BSDC1: variants seen among roughly 807,000 people sequenced by gnomAD.
BSDC1 encodes BSD domain-containing protein 1.
Under a neutral mutation model 56.0 loss-of-function variants are expected in BSDC1, and 29 were observed. The observed-to-expected ratio is 0.52, with a 90% CI of 0.39 to 0.71. The LOEUF is 0.71. BSDC1 is among the 30% of genes least tolerant of loss of function. The pLI, the probability that BSDC1 is intolerant of heterozygous loss-of-function variation, is 0.00. For missense variants in BSDC1, 477 were observed against 548.5 expected, an observed-to-expected ratio of 0.87 and a Z score of 1.30; for synonymous variants, 210 against 215.3, an observed-to-expected ratio of 0.98 and a Z score of 0.21.
chr1:32,373,815 G>A (rs1381178084), intron 9 of BSDC1, among the ~76,000 whole-genome samples: 2 of 152,172 alleles, frequency 1.3e-5, no homozygotes, highest in African/African-American at 4.8e-5. Context: ...GAGCCACTGT[G>A]CCCAGCGGAC....
rs748885403 is a variant in BSDC1, at chr1:32,386,791, C to T, written c.177G>A (p.Lys59=). ...GGGTGGTACTCACAGCCAGCTTCTC[C>T]TTGACCACGCTGGCCGTGGCTGCGA... The part of the protein sequence containing the change: ...CTIAATASVV[K]EKLATEGSSG... Residue 59 remains lysine (K), a synonymous_variant, in exon 3 of 11, where the codon AAG becomes AAA. Transcript: ENST00000455895. 1.2e-6 allele frequency: 2 copies of T among 1,612,836 alleles called. No individual in the cohort carries two copies. Among genetic ancestry groups the T allele is most frequent in the South Asian group, 2.2e-5 (2 of 91,014 alleles).
chr1:32,386,932 GC>G, intron 2 of BSDC1, 37 bp from the exon 3 acceptor site: 1 of 1,531,718 alleles, frequency 6.5e-7, no homozygotes, highest in Non-Finnish European at 9.0e-7. Flanking sequence ...GGGCCAGCTG[GC>G]CCCACCACCC....
At position 32,386,956 on chromosome 1, in the gene BSDC1, C is replaced by A. The variant is rs1007462810; in HGVS notation, c.73-61G>T. ...GGCCCCACCACCCCTTGTTCCTGTT[C>A]CCTGTGTTTCTTCAGTACCAGACAG... On this transcript the variant is annotated intron_variant, in intron 2 of 10. Transcript: ENST00000455895. The A allele has an allele frequency of 2.2e-5, 29 of 1,335,704 alleles. No homozygotes were observed. The African/African-American group carries it at 4.0e-4, about 19-fold the overall frequency. 82.7% of individuals were successfully genotyped at this position (1,335,704 alleles called of 1,614,324 possible). A position where few individuals can be genotyped will look rare whatever the true frequency, so the allele number is the denominator to read the frequency against.
intron 5 of BSDC1, 76 bp downstream of exon 5, chr1:32,381,138 G>A (rs1642464478): frequency 1.3e-6 from 2 of 1,493,226 alleles, no homozygotes; most frequent in Admixed American, 3.5e-5. Context: ...TGCTACCTGA[G>A]ACAAACAGGG....
chr1:32,394,243 G>A, intron 1 of BSDC1, 103 bp from the exon 2 acceptor site: 2 of 1,558,206 alleles, frequency 1.3e-6, no homozygotes, highest in East Asian at 2.3e-5. Context: ...CCGAGGCTTC[G>A]CAGACCGCTT....
chr1:32,389,132 T>C (rs889273903), intron 2 of BSDC1, among the ~76,000 whole-genome samples: 4 of 152,082 alleles, frequency 2.6e-5, no homozygotes, highest in East Asian at 1.9e-4. Context: ...TTTTTTGTAT[T>C]TTTAGTAGAG....
At chr1:32,367,956 G>A in intron 10 of BSDC1, 1 of 1,059,718 alleles carries the variant, frequency 9.4e-7, no homozygotes, top group Non-Finnish European at 1.1e-6. Context: ...CCAAGGCCAA[G>A]TATATACTCA....
intron 10 of BSDC1, chr1:32,367,090 T>C (rs1347752680): frequency 1.0e-6 from 1 of 988,358 alleles, no homozygotes; most frequent in East Asian, 1.1e-4. Context: ...ACTTAGTCTT[T>C]GGGTGAATGG....
chr1:32,386,865 C>G lies in BSDC1; in HGVS notation c.103G>C (p.Asp35His), dbSNP rs1642690404. Residue 35 changes from aspartate (D) to histidine (H), a missense_variant, in exon 3 of 11, where the codon GAC becomes CAC. Physicochemically the swap from Asp to His is moderately conservative, Grantham distance 81. Coordinates refer to ENST00000455895, the MANE Select transcript of BSDC1 (RefSeq NM_018045.8). ...SSEALEFMKR[D>H]LTEFTQVVQH... ...ACCACCTGGGTAAACTCCGTCAGGT[C>G]CCGCTTCATAAACTCCAAGGCTTCA... 6.2e-7 allele frequency: 1 copy of G among 1,612,142 alleles called. No homozygotes were observed. Among genetic ancestry groups the G allele is most frequent in the South Asian group, 1.1e-5 (1 of 90,996 alleles).
chr1:32,394,108 T>G lies in BSDC1; in HGVS notation c.44A>C (p.Gln15Pro). 1 of 1,610,498 alleles carries G rather than the reference T, an allele frequency of 6.2e-7. No homozygotes were observed. The highest frequency in any genetic ancestry group is 1.3e-5 in the African/African-American group (1 of 74,990). The stretch of plus-strand genomic sequence containing the variant: ...CTCTTTGACTGCTTGGTAGCTCTGC[T>G]GCAGCCAGCTCCGCCACCATCCCAC... Reference protein sequence around the residue: ...EDVGWWRSWLQQSYQAVKEKS... With the variant: ...EDVGWWRSWLPQSYQAVKEKS... Residue 15 changes from glutamine (Q) to proline (P), a missense_variant, in exon 2 of 11, where the codon CAG (glutamine) becomes CCG (proline). Physicochemically the swap from Gln to Pro is moderately conservative, Grantham distance 76 (BLOSUM62 -1). Coordinates refer to ENST00000455895, the MANE Select transcript of BSDC1 (RefSeq NM_018045.8).
rs559219837 is a variant in BSDC1 at position 32,384,565 on chromosome 1, A to AT, written c.190-569dup. On this transcript the variant is annotated intron_variant, in intron 3 of 10. Coordinates refer to ENST00000455895, the MANE Select transcript of BSDC1 (RefSeq NM_018045.8). ...TAAACTGCAGCATTGTAATACTGCA[A>AT]TTTCATCATCATCATTGCTCAGGAA... 2.6e-4 allele frequency among the ~76,000 whole-genome samples: 39 copies of AT among 152,268 alleles called. No homozygotes were observed. The South Asian group carries it at 7.9e-3, about 31-fold the overall frequency.
rs973346449 is a variant in BSDC1, at chr1:32,381,328, C to G, written c.358-60G>C. On this transcript the variant is annotated intron_variant, in intron 4 of 10. Coordinates refer to ENST00000455895, the MANE Select transcript of BSDC1 (RefSeq NM_018045.8). ...TGAGATACTGGGCATAGAAAGCACC[C>G]TTTCTCTGCCAGGATACTCAGTCAA... is the stretch of plus-strand genomic sequence containing the variant. 1.5e-5 allele frequency: 23 copies of G among 1,512,606 alleles called. 1 individual carries two copies. The highest frequency in any genetic ancestry group is 1.7e-4 in the Middle Eastern group (1 of 5,854). The allele number at this position is 1,512,606 out of a possible 1,614,324, so 93.7% of individuals were successfully genotyped here.
chr1:32,366,894 CCCAA>C, intron 10 of BSDC1: 1 of 1,243,982 alleles, frequency 8.0e-7, no homozygotes, highest in Non-Finnish European at 1.0e-6. Flanking sequence ...AAACACTTCC[CCCAA>C]CCAACACCAG....
At position 32,376,562 on chromosome 1, in the gene BSDC1, C is replaced by T. The variant is rs373949372; in HGVS notation, c.856G>A (p.Val286Met). The change falls in exon 9 of 11, where the codon GTG becomes ATG. Residue 286 changes from valine to methionine, a missense_variant. Val to Met is a conservative substitution (Grantham distance 21). Transcript: ENST00000455895. Reference sequence around the variant, plus strand: ...GTGGCCGGGTTGGCGATCTGTGTCACGAGGGAGATGCTCTCACTGCTCTCT... The same window carrying T: ...GTGGCCGGGTTGGCGATCTGTGTCATGAGGGAGATGCTCTCACTGCTCTCT... ...PSESSESISL[V>M]TQIANPATAP... 29 of 1,537,800 alleles carry T rather than the reference C, an allele frequency of 1.9e-5. No homozygotes were observed. The highest frequency in any genetic ancestry group is 1.4e-4 in the African/African-American group (10 of 73,692).
chr1:32,377,427 G>C (rs1205863540), intron 8 of BSDC1, among the ~76,000 whole-genome samples: 1 of 152,122 alleles, frequency 6.6e-6, no homozygotes, highest in East Asian at 1.9e-4. Context: ...AGGGGTAATG[G>C]GGTTGTGGTA....
intron 9 of BSDC1, among the ~76,000 whole-genome samples, chr1:32,371,488 T>G (rs1019730775): frequency 2.6e-5 from 4 of 151,776 alleles, no homozygotes. Context: ...TTTTTTATAT[T>G]TTTAGTAGAG....
In BSDC1 at chr1:32,385,158, T is replaced by C. The variant is rs1160723177; in HGVS notation, c.190-1161A>G. On this transcript the variant is annotated intron_variant, in intron 3 of 10. Coordinates refer to ENST00000455895, the MANE Select transcript of BSDC1 (RefSeq NM_018045.8). ...ATTGTAATATAAAAAACAGTATGCTTTACCTCACTGGAAACTTCAGAACTT... is the reference window on the plus strand; with the variant it reads ...ATTGTAATATAAAAAACAGTATGCTCTACCTCACTGGAAACTTCAGAACTT... Among the ~76,000 whole-genome samples the C allele has an allele frequency of 2.0e-5, 3 of 152,204 alleles. 1 individual carries two copies. Among genetic ancestry groups the C allele is most frequent in the Admixed American group, 2.0e-4 (3 of 15,270 alleles).
At chr1:32,373,092 C>G (rs543582030) in intron 9 of BSDC1, among the ~76,000 whole-genome samples, 1 of 152,330 alleles carries the variant, frequency 6.6e-6, no homozygotes, top group Non-Finnish European at 1.5e-5. Context: ...AGCCTTATGT[C>G]ACCCTAGGAC....
chr1:32,366,884 A>G (rs1417408515), intron 10 of BSDC1: 1 of 1,257,168 alleles, frequency 8.0e-7, no homozygotes. Context: ...GACCTAAAGG[A>G]AACACTTCCC....
Sources: gnomAD v4.1 joint callset for allele counts (sites outside exome capture counted in the v4.1 genomes callset) on GRCh38, gnomAD v4.1.1 for gene constraint, MANE v1.5 for transcripts, NCBI Gene and HGNC (gene_info 2026-07-23, HGNC 2026-07-21) for gene names.